The following ESRP1 variants were observed in gnomAD, a reference collection of about 807,000 sequenced individuals.
The protein encoded by ESRP1 is RNA-binding motif protein 35A.
A neutral mutation model predicts 81.7 loss-of-function variants in ESRP1; 33 were observed. The ratio of observed to expected loss-of-function variants is 0.40; its 90% CI spans 0.31 to 0.54. The LOEUF (loss-of-function observed/expected upper bound fraction) is 0.54. Ranked by LOEUF, ESRP1 falls within the 20% of genes least tolerant of loss-of-function variation. The pLI, the probability that ESRP1 is intolerant of heterozygous loss-of-function variation, is 0.41. For missense variants in ESRP1, 672 were observed against 833.1 expected (o/e 0.81, Z 2.38); for synonymous variants, 320 against 303.3 (o/e 1.06, Z -0.57).
intron 13 of ESRP1, among the ~76,000 whole-genome samples, chr8:94,679,835 G>A (rs999335209): frequency 2.0e-5 from 3 of 152,132 alleles, no homozygotes; most frequent in African/African-American, 7.2e-5. Context: ...ACATCTTAAT[G>A]TGTACTGTCT....
At chr8:94,661,698 A>G (rs919477962) in intron 4 of ESRP1, among the ~76,000 whole-genome samples, 10 of 152,324 alleles carry the variant, frequency 6.6e-5, no homozygotes, top group African/African-American at 1.9e-4. Flanking sequence ...ATTGTTTCCA[A>G]AATTTGCTGT....
chr8:94,643,809 AAG>A (rs1817724608), intron 3 of ESRP1, among the ~76,000 whole-genome samples: 1 of 152,226 alleles, frequency 6.6e-6, no homozygotes, highest in Non-Finnish European at 1.5e-5. Flanking sequence ...AATAACTACA[AAG>A]AGAGGAAAGA....
At chr8:94,658,052 T>C (rs1818524071) in intron 4 of ESRP1, among the ~76,000 whole-genome samples, 1 of 152,126 alleles carries the variant, frequency 6.6e-6, no homozygotes, top group South Asian at 2.1e-4. Context: ...GCTGGGATTA[T>C]AGGCGTCCGC....
chr8:94,663,498 G>A (rs1322830822), intron 6 of ESRP1, among the ~76,000 whole-genome samples: 1 of 151,974 alleles, frequency 6.6e-6, no homozygotes, highest in Admixed American at 6.6e-5. Context: ...TACCCACCTT[G>A]ACATCCCAAA....
chr8:94,698,190 C>T (rs915898315), intron 15 of ESRP1, among the ~76,000 whole-genome samples: 6 of 152,130 alleles, frequency 3.9e-5, no homozygotes, highest in South Asian at 4.1e-4. Flanking sequence ...AGCCAGGTAC[C>T]GCCGTCCAGC....
chr8:94,683,183 A>G (rs368364974), intron 13 of ESRP1, among the ~76,000 whole-genome samples: 1 of 151,562 alleles, frequency 6.6e-6, no homozygotes, highest in Non-Finnish European at 1.5e-5. Flanking sequence ...ACCTCAAGTG[A>G]TCCGCCCGCC....
At chr8:94,650,333 T>G (rs1458130768) in intron 4 of ESRP1, among the ~76,000 whole-genome samples, 1 of 152,222 alleles carries the variant, frequency 6.6e-6, no homozygotes, top group Non-Finnish European at 1.5e-5. Context: ...AAGAATCCTC[T>G]GTACTTTGGC....
chr8:94,657,970 G>A (rs888964319), intron 4 of ESRP1, among the ~76,000 whole-genome samples: 2 of 152,204 alleles, frequency 1.3e-5, no homozygotes, highest in African/African-American at 2.4e-5. Context: ...GAGTGCAGCG[G>A]CCATGATCTC....
chr8:94,689,755 C>T (rs1375257838), intron 13 of ESRP1, among the ~76,000 whole-genome samples: 1 of 147,854 alleles, frequency 6.8e-6, no homozygotes, highest in Non-Finnish European at 1.5e-5. Context: ...TCAAGTGATT[C>T]TCGTGCCTCA....
intron 4 of ESRP1, among the ~76,000 whole-genome samples, chr8:94,658,565 G>A (rs1818555171): frequency 6.6e-6 from 1 of 152,196 alleles, no homozygotes. Context: ...TTTCCTTATA[G>A]GGTGGTACCT....
intron 9 of ESRP1, among the ~76,000 whole-genome samples, chr8:94,667,068 G>GCTGTGTGT (rs140453014): frequency 6.9e-6 from 1 of 144,244 alleles, no homozygotes; most frequent in South Asian, 2.2e-4. Context: ...CCAGGAGAGG[G>GCTGTGTGT]GTGTGTGTGT....
rs201936890 is a variant in ESRP1 at position 94,642,082 on chromosome 8, C to A, written c.259C>A (p.Gln87Lys). 171 of 1,610,774 alleles carry A rather than the reference C, an allele frequency of 1.1e-4. No individual in the cohort carries two copies. The highest frequency in any genetic ancestry group is 1.4e-4 in the Non-Finnish European group (161 of 1,179,630). The change falls in exon 2 of 16, where the codon CAG becomes AAG. Residue 87 changes from glutamine to lysine, a missense_variant and splice_region_variant. Coordinates refer to ENST00000433389, the MANE Select transcript of ESRP1 (RefSeq NM_017697.4). ...SASQLDQALR[Q>K]FNQSVSNELN... Reference sequence around the variant, plus strand: ...GTCGCAGCTGGACCAAGCCCTCCGACAGGTGACAACCCCGGGTCACGCCAC... The same window carrying A: ...GTCGCAGCTGGACCAAGCCCTCCGAAAGGTGACAACCCCGGGTCACGCCAC...
chr8:94,696,680 T>C (rs1041509145), intron 14 of ESRP1, among the ~76,000 whole-genome samples, 172 bp from the exon 15 acceptor site: 1 of 152,214 alleles, frequency 6.6e-6, no homozygotes, highest in Non-Finnish European at 1.5e-5. Context: ...TATTTAAACA[T>C]GTTAAGAAAT....
At chr8:94,648,088 G>A (rs1053665221) in intron 4 of ESRP1, among the ~76,000 whole-genome samples, 1 of 152,086 alleles carries the variant, frequency 6.6e-6, no homozygotes, top group Non-Finnish European at 1.5e-5. Flanking sequence ...GAAACCCCAT[G>A]TCAACAAAAA....
intron 3 of ESRP1, among the ~76,000 whole-genome samples, chr8:94,643,714 G>C (rs1003237553): frequency 1.3e-5 from 2 of 149,724 alleles, no homozygotes; most frequent in African/African-American, 4.9e-5. Context: ...ACTTAAAATA[G>C]TCTCTTTGTT....
chr8:94,661,763 G>T (rs528382236), intron 4 of ESRP1, among the ~76,000 whole-genome samples: 1 of 152,260 alleles, frequency 6.6e-6, no homozygotes, highest in Admixed American at 6.5e-5. Flanking sequence ...GGCTCCAAAA[G>T]TGTTCTATAA....
chr8:94,667,519 A>C (rs941737047), intron 9 of ESRP1, among the ~76,000 whole-genome samples: 2 of 151,982 alleles, frequency 1.3e-5, no homozygotes, highest in Non-Finnish European at 2.9e-5. Context: ...TTTTAACCCA[A>C]AGTGCTTTAT....
At chr8:94,664,120 CTT>C (rs755384250) in intron 6 of ESRP1, among the ~76,000 whole-genome samples, 1,088 of 98,474 alleles carry the variant, frequency 0.011, 6 homozygotes, top group African/African-American at 0.034. Context: ...ATTTCCTCAG[CTT>C]TTTTTTTTTT....
At chr8:94,656,470 C>G (rs1221145340) in intron 4 of ESRP1, among the ~76,000 whole-genome samples, 4 of 152,170 alleles carry the variant, frequency 2.6e-5, no homozygotes, top group Non-Finnish European at 5.9e-5. Context: ...ATCCGCCCAC[C>G]TTGGCCTCTC....
Sources: allele counts gnomAD v4.1 joint callset (sites outside exome capture counted in the v4.1 genomes callset), GRCh38; gene constraint gnomAD v4.1.1; transcripts MANE v1.5; gene names NCBI Gene and HGNC (gene_info 2026-07-23, HGNC 2026-07-21).